Variants in ADH4 observed in about 807,000 individuals in gnomAD.
The protein encoded by ADH4 is all-trans-retinol dehydrogenase [NAD(+)] ADH4.
ADH4 carries 31 observed loss-of-function variants against 35.2 expected under a neutral mutation model. The observed-to-expected ratio is 0.88, with a 90% CI of 0.66 to 1.19. The LOEUF is 1.19. Ranked by LOEUF, ADH4 falls within the 50% of genes most tolerant of loss-of-function variation. The probability of loss-of-function intolerance (pLI) is 0.00; values close to 1 mark genes in which losing one functional copy is unlikely to be tolerated. For missense variants in ADH4, 476 were observed against 458.3 expected, an observed-to-expected ratio of 1.04 and a Z score of -0.35; for synonymous variants, 171 against 160.2, an observed-to-expected ratio of 1.07 and a Z score of -0.51.
At position 99,140,719 on chromosome 4, in the gene ADH4, T is replaced by G. The variant is rs113875183; in HGVS notation, c.262+822A>C. On this transcript the variant is annotated intron_variant, in intron 3 of 8. Transcript: ENST00000265512. ...CCCGTCTCTACTGAAAATACAAAATTAGCCGGGTGTGGTGGCACATGCCTG... is the reference window on the plus strand; with the variant it reads ...CCCGTCTCTACTGAAAATACAAAATGAGCCGGGTGTGGTGGCACATGCCTG... 7.2e-5 allele frequency among the ~76,000 whole-genome samples: 11 copies of G among 151,748 alleles called. 2 individuals carry two copies. The highest frequency in any genetic ancestry group is 2.7e-4 in the African/African-American group (11 of 41,346).
chr4:99,142,558 C>T (rs1729659235), intron 2 of ADH4, 121 bp downstream of exon 2: 2 of 458,446 alleles, frequency 4.4e-6, no homozygotes, highest in Non-Finnish European at 7.6e-6. Context: ...TCTAAAAATA[C>T]AGCTTCCCTG....
intron 6 of ADH4, 81 bp from the exon 7 acceptor site, chr4:99,127,425 G>T: frequency 8.6e-7 from 1 of 1,163,338 alleles, no homozygotes; most frequent in Middle Eastern, 2.0e-4. Flanking sequence ...CAATGCTTTA[G>T]AAAAAAATTA....
Position 99,131,723 on chromosome 4 carries a change from A to G in ADH4, c.624T>C (p.Gly208=). ...GSTCAVFGLG[G]VGLSAVMGCK... ...AACCCATTACAGCAGAAAGACCCAC[A>G]CCTCCTAGGCCAAAGACAGCACAAG... Residue 208 remains glycine (G), a synonymous_variant, in exon 6 of 9, where the codon GGT becomes GGC. Coordinates refer to ENST00000265512, the MANE Select transcript of ADH4 (RefSeq NM_000670.5). 6.2e-7 allele frequency: 1 copy of G among 1,614,068 alleles called. No individual in the cohort carries two copies. The highest frequency in any genetic ancestry group is 8.5e-7 in the Non-Finnish European group (1 of 1,179,996).
In ADH4 at chr4:99,136,614, T is replaced by C. The variant is rs768562904; in HGVS notation, c.434A>G (p.His145Arg). 1 of 1,614,104 alleles carries C rather than the reference T, an allele frequency of 6.2e-7. No homozygotes were observed. The highest frequency in any genetic ancestry group is 1.7e-5 in the Admixed American group (1 of 60,018). The change falls in exon 5 of 9, where the codon CAT (histidine) becomes CGT (arginine). Residue 145 changes from histidine (H) to arginine (R), a missense_variant. Transcript: ENST00000265512. ...AGAGAATGTACTGGTTCCAAAGAAA[T>C]GGTAAACTGGTTTTCCTTTGCAGGT... ...RFTCKGKPVY[H>R]FFGTSTFSQY...
At chr4:99,129,333 A>G (rs900049139) in intron 6 of ADH4, among the ~76,000 whole-genome samples, 1 of 152,166 alleles carries the variant, frequency 6.6e-6, no homozygotes, top group African/African-American at 2.4e-5. Context: ...AATTAGGATA[A>G]GTCAGAAGTC....
chr4:99,132,006 C>T (rs1258567128), intron 5 of ADH4, among the ~76,000 whole-genome samples: 1 of 152,018 alleles, frequency 6.6e-6, no homozygotes, highest in Non-Finnish European at 1.5e-5. Flanking sequence ...AAAATAATTC[C>T]CTTGTTTTAC....
At chr4:99,129,230 A>G (rs1579394117) in intron 6 of ADH4, among the ~76,000 whole-genome samples, 2 of 152,190 alleles carry the variant, frequency 1.3e-5, no homozygotes, top group South Asian at 2.1e-4. Flanking sequence ...TTTTTAATAA[A>G]AGGGTTATTA....
At chr4:99,136,079 T>C (rs1289500651) in intron 5 of ADH4, among the ~76,000 whole-genome samples, 2 of 152,126 alleles carry the variant, frequency 1.3e-5, no homozygotes, top group Non-Finnish European at 2.9e-5. Context: ...TGTGTGAAGA[T>C]GGAAGTGAGT....
chr4:99,136,539 G>A lies in ADH4; in HGVS notation c.509C>T (p.Ala170Val), dbSNP rs1198862163. The change falls in exon 5 of 9, where the codon GCA (alanine) becomes GTA (valine). Residue 170 changes from alanine (A) to valine (V), a missense_variant. Physicochemically the swap from Ala to Val is moderately conservative, Grantham distance 64. Transcript: ENST00000265512. ...DINLAKIDDDANLERVCLLGC... is the reference protein window; with the variant it reads ...DINLAKIDDDVNLERVCLLGC... ...AAGCAGACAAACTCTCTCTAAATTT[G>A]CATCATCATCTATTTTGGCAAGATT... The A allele has an allele frequency of 1.9e-6, 3 of 1,613,954 alleles. No homozygotes were observed.
chr4:99,131,230 T>A (rs1234540936), intron 6 of ADH4, among the ~76,000 whole-genome samples: 1 of 151,998 alleles, frequency 6.6e-6, no homozygotes, highest in Admixed American at 6.6e-5. Context: ...AAAAGAAAAA[T>A]CAGCATCTAC....
chr4:99,128,536 T>G (rs1560775517), intron 6 of ADH4, among the ~76,000 whole-genome samples: 1 of 152,198 alleles, frequency 6.6e-6, no homozygotes, highest in African/African-American at 2.4e-5. Context: ...TGAAAAAGTA[T>G]ATGTAAATGA....
chr4:99,139,042 A>G lies in ADH4; in HGVS notation c.350+19T>C. On this transcript the variant is annotated intron_variant, in intron 4 of 8. Coordinates refer to ENST00000265512, the MANE Select transcript of ADH4 (RefSeq NM_000670.5). ...ATTCATTCAAATTTATACTAATACTAACAGTGTAGAGTGCTTACCTGATTT... is the reference window on the plus strand; with the variant it reads ...ATTCATTCAAATTTATACTAATACTGACAGTGTAGAGTGCTTACCTGATTT... 6.4e-7 allele frequency: 1 copy of G among 1,571,416 alleles called. No homozygotes were observed. The highest frequency in any genetic ancestry group is 8.7e-7 in the Non-Finnish European group (1 of 1,146,538).
chr4:99,126,914 T>C (rs1480965526), intron 7 of ADH4, among the ~76,000 whole-genome samples, 182 bp from the exon 8 acceptor site: 2 of 152,062 alleles, frequency 1.3e-5, no homozygotes, highest in South Asian at 4.1e-4. Flanking sequence ...ATAAGAAAAA[T>C]TTAAGATTAT....
chr4:99,143,101 T>A (rs1226062228), intron 1 of ADH4: 1 of 699,808 alleles, frequency 1.4e-6, no homozygotes, highest in African/African-American at 1.7e-5. Context: ...TTTATGGAGT[T>A]TGAATAAGGT....
In ADH4 at chr4:99,136,589, A is replaced by G; in HGVS notation, c.459T>C (p.Ser153=). Residue 153 remains serine, a synonymous_variant, in exon 5 of 9, where the codon TCT becomes TCC. Transcript: ENST00000265512. The part of the protein sequence containing the change: ...VYHFFGTSTF[S]QYTVVSDINL... ...TGATATCTGACACCACAGTGTACTG[A>G]GAGAATGTACTGGTTCCAAAGAAAT... 6.2e-7 allele frequency: 1 copy of G among 1,614,116 alleles called. No individual in the cohort carries two copies. The highest frequency in any genetic ancestry group is 8.5e-7 in the Non-Finnish European group (1 of 1,179,954).
At chr4:99,142,906 T>C (rs555501111) in intron 1 of ADH4, 126 bp from the exon 2 acceptor site, 1 of 632,074 alleles carries the variant, frequency 1.6e-6, no homozygotes, top group African/African-American at 1.8e-5. Context: ...TGACAAAGAG[T>C]TAAAGAGTTT....
chr4:99,136,779 T>TAA, intron 4 of ADH4, 82 bp from the exon 5 acceptor site: 2 of 872,178 alleles, frequency 2.3e-6, no homozygotes, highest in Non-Finnish European at 3.5e-6. Context: ...ACAAAATATG[T>TAA]TGAGCATTAT....
At position 99,142,906 on chromosome 4, in the gene ADH4, T is replaced by A. The variant is rs555501111; in HGVS notation, c.19-126A>T. On this transcript the variant is annotated intron_variant, in intron 1 of 8. Transcript: ENST00000265512. Reference sequence around the variant, plus strand: ...GATACTGTAATTTCATGACAAAGAGTTAAAGAGTTTGTAGCTGGATCTTAT... The same window carrying A: ...GATACTGTAATTTCATGACAAAGAGATAAAGAGTTTGTAGCTGGATCTTAT... 120 of 632,072 alleles carry A rather than the reference T, an allele frequency of 1.9e-4. 5 individuals carry two copies. The South Asian group carries it at 2.5e-3, about 13-fold the overall frequency. 39.2% of individuals were successfully genotyped at this position (632,072 alleles called of 1,614,324 possible). A position where few individuals can be genotyped will look rare whatever the true frequency, so the allele number is the denominator to read the frequency against.
chr4:99,143,841 T>C lies in ADH4; in HGVS notation c.18+364A>G, dbSNP rs180789820. 3.3e-3 allele frequency among the ~76,000 whole-genome samples: 509 copies of C among 152,308 alleles called. 5 individuals are homozygous for C. The highest frequency in any genetic ancestry group is 5.8e-3 in the Non-Finnish European group (397 of 68,022). ...GAGTATCCCCAAATAAGATACATTG[T>C]CCATAGTATTTTGTAATATACTTTT... On this transcript the variant is annotated intron_variant, in intron 1 of 8. Coordinates refer to ENST00000265512, the MANE Select transcript of ADH4 (RefSeq NM_000670.5).
Sources: gnomAD v4.1 joint callset for allele counts (sites outside exome capture counted in the v4.1 genomes callset) on GRCh38, gnomAD v4.1.1 for gene constraint, MANE v1.5 for transcripts, NCBI Gene and HGNC (gene_info 2026-07-23, HGNC 2026-07-21) for gene names.